The following ZNF626 variants were observed in gnomAD, a reference collection of about 807,000 sequenced individuals.
ZNF626 encodes the protein zinc finger protein 626.
A neutral mutation model predicts 11.7 loss-of-function variants in ZNF626; 4 were observed. That is an observed-to-expected ratio of 0.34 (90% CI 0.17 to 0.78). ZNF626 has a LOEUF of 0.78. Ranked by LOEUF, ZNF626 falls within the 30% of genes least tolerant of loss-of-function variation. The pLI is 0.57. For missense variants in ZNF626, 588 were observed against 587.1 expected (o/e 1.00, Z -0.01); for synonymous variants, 179 against 198.6 (o/e 0.90, Z 0.83).
intron 1 of ZNF626, among the ~76,000 whole-genome samples, chr19:20,648,009 T>C (rs1385388464): frequency 7.9e-5 from 12 of 151,626 alleles, no homozygotes; most frequent in African/African-American, 2.7e-4. Flanking sequence ...TATAACCCCA[T>C]CTCTATTAAA....
intron 3 of ZNF626, among the ~76,000 whole-genome samples, chr19:20,643,010 CAAAA>C (rs11289893): frequency 9.1e-6 from 1 of 109,320 alleles, no homozygotes; most frequent in Non-Finnish European, 2.1e-5. Flanking sequence ...AACTCCTTCT[CAAAA>C]AAAAAAAAAA....
chr19:20,658,353 G>C (rs141552356), intron 1 of ZNF626, among the ~76,000 whole-genome samples: 14 of 152,242 alleles, frequency 9.2e-5, no homozygotes, highest in African/African-American at 3.4e-4. Flanking sequence ...TGGGTTCTTG[G>C]CAAGAAACGC....
intron 3 of ZNF626, among the ~76,000 whole-genome samples, chr19:20,630,726 A>G (rs1264570043): frequency 2.1e-5 from 3 of 144,726 alleles, no homozygotes; most frequent in African/African-American, 8.1e-5. Context: ...TTTTCGAAAA[A>G]CCAGCTTCTG....
At chr19:20,645,181 T>A in intron 3 of ZNF626, 1 of 1,082,424 alleles carries the variant, frequency 9.2e-7, no homozygotes, top group African/African-American at 1.6e-5. Context: ...AAGGATGTCA[T>A]AATTTCAAAC....
chr19:20,659,469 G>C (rs1281995288), intron 1 of ZNF626, among the ~76,000 whole-genome samples: 2 of 152,096 alleles, frequency 1.3e-5, no homozygotes, highest in Non-Finnish European at 2.9e-5. Context: ...TCAAGCTCCT[G>C]ACTTGCGGTG....
Position 20,625,486 on chromosome 19 carries a change from T to C in ZNF626, c.391A>G (p.Asn131Asp), listed in dbSNP as rs549734656. Residue 131 changes from asparagine to aspartate, a missense_variant, in exon 4 of 4, where the codon AAT (asparagine) becomes GAT (aspartate). Physicochemically the swap from Asn to Asp is conservative, Grantham distance 23. Transcript: ENST00000601440. Reference sequence around the variant, plus strand: ...GTTGTCAAACATTGGTTAAGTTCATTATAACCTTCTTTGTGCACCTTACAC... The same window carrying C: ...GTTGTCAAACATTGGTTAAGTTCATCATAACCTTCTTTGTGCACCTTACAC... ...DECKVHKEGY[N>D]ELNQCLTTTP... 1.5e-5 allele frequency: 25 copies of C among 1,614,082 alleles called. No homozygotes were observed. The East Asian group carries it at 3.1e-4, about 20-fold the overall frequency.
chr19:20,620,857 T>TG lies in ZNF626; in HGVS notation c.*3432dup, dbSNP rs1555768617. ...TGGCCGTATTTTTTCTTTTTTTTTT[T>TG]GTGACGGAGTCTTGCTCTGTTGCCC... On this transcript the variant is annotated 3_prime_UTR_variant, in exon 4 of 4. Coordinates refer to ENST00000601440, the MANE Select transcript of ZNF626 (RefSeq NM_001076675.3). 6.6e-6 allele frequency: 1 copy of TG among 150,546 alleles called. No homozygotes were observed. Among genetic ancestry groups the TG allele is most frequent in the Non-Finnish European group, 1.5e-5 (1 of 68,086 alleles). 9.3% of individuals were successfully genotyped at this position (150,546 alleles called of 1,614,324 possible). A position where few individuals can be genotyped will look rare whatever the true frequency, so the allele number is the denominator to read the frequency against.
chr19:20,633,345 A>G (rs1349244690), intron 3 of ZNF626, among the ~76,000 whole-genome samples: 2 of 150,482 alleles, frequency 1.3e-5, no homozygotes, highest in Non-Finnish European at 3.0e-5. Flanking sequence ...TGCAGAGGTT[A>G]CTGCTGTCTT....
intron 1 of ZNF626, among the ~76,000 whole-genome samples, chr19:20,658,315 G>A (rs1414278378): frequency 9.9e-5 from 15 of 152,138 alleles, no homozygotes; most frequent in African/African-American, 3.6e-4. Context: ...TAGGGGTGGG[G>A]ATATGCCAGG....
At chr19:20,633,868 A>G (rs7253963) in intron 3 of ZNF626, among the ~76,000 whole-genome samples, 82,956 of 151,924 alleles carry the variant, frequency 0.55, 25,374 homozygotes, top group African/African-American at 0.83. Context: ...CAAATCACCC[A>G]TCTTCTATAT....
rs553305836 is a variant in ZNF626 at position 20,627,278 on chromosome 19, T to C, written c.227-1628A>G. 3.9e-5 allele frequency among the ~76,000 whole-genome samples: 6 copies of C among 151,966 alleles called. No homozygotes were observed. The East Asian group carries it at 1.2e-3, about 30-fold the overall frequency. ...CATACAAGCAAACCTTCAAAAATCA[T>C]AGATAAGAAGAGAATTTTAGGAGCT... is the stretch of plus-strand genomic sequence containing the variant. On this transcript the variant is annotated intron_variant, in intron 3 of 3. Transcript: ENST00000601440.
intron 3 of ZNF626, among the ~76,000 whole-genome samples, 184 bp from the exon 4 acceptor site, chr19:20,625,834 G>A (rs750241900): frequency 4.5e-5 from 3 of 66,230 alleles, no homozygotes; most frequent in African/African-American, 1.1e-4. Context: ...AAATACATTT[G>A]TAAAAAACTT....
At position 20,622,885 on chromosome 19, in the gene ZNF626, G is replaced by GT. The variant is rs1555768904; in HGVS notation, c.*1404dup. ...AATATATTTTAGTATAAACTCTGCT[G>GT]TTTTCTAAGCTGTAGTTTTTTTTTT... On this transcript the variant is annotated 3_prime_UTR_variant, in exon 4 of 4. Coordinates refer to ENST00000601440, the MANE Select transcript of ZNF626 (RefSeq NM_001076675.3). The GT allele has an allele frequency of 6.7e-6, 1 of 148,488 alleles. No individual in the cohort carries two copies. The highest frequency in any genetic ancestry group is 1.9e-4 in the East Asian group (1 of 5,148). The allele number at this position is 148,488 out of a possible 1,614,324, so 9.2% of individuals were successfully genotyped here. A position where few individuals can be genotyped will look rare whatever the true frequency, so the allele number is the denominator to read the frequency against.
At chr19:20,637,010 C>A in intron 3 of ZNF626, among the ~76,000 whole-genome samples, 1 of 109,678 alleles carries the variant, frequency 9.1e-6, no homozygotes. Flanking sequence ...CAGAGAAAGA[C>A]TCCATCTCAA....
intron 1 of ZNF626, among the ~76,000 whole-genome samples, chr19:20,653,118 C>T (rs1335998911): frequency 6.6e-6 from 1 of 152,186 alleles, no homozygotes; most frequent in Non-Finnish European, 1.5e-5. Context: ...ATGCACTTTT[C>T]TGCACAAGTG....
chr19:20,661,389 C>T, intron 1 of ZNF626, 55 bp downstream of exon 1: 2 of 1,612,910 alleles, frequency 1.2e-6, no homozygotes, highest in Non-Finnish European at 8.5e-7. Flanking sequence ...AGCCACTTTT[C>T]ACCGGTTCCA....
chr19:20,648,720 C>T (rs986946839), intron 1 of ZNF626, among the ~76,000 whole-genome samples: 1 of 152,214 alleles, frequency 6.6e-6, no homozygotes, highest in Non-Finnish European at 1.5e-5. Context: ...ATGGAACACA[C>T]AGCTGGAGCC....
rs368614889 is a variant in ZNF626, at chr19:20,640,902, T to C, written c.226+4782A>G. ...TGGCTCAAGCCCGTAATCCTAGCAA[T>C]TTGGGAGGCCAAGGTAGGGGCAGAT... On this transcript the variant is annotated intron_variant, in intron 3 of 3. Transcript: ENST00000601440. Among the ~76,000 whole-genome samples the C allele has an allele frequency of 3.9e-3, 596 of 152,112 alleles. 3 individuals carry two copies. The highest frequency in any genetic ancestry group is 0.013 in the African/African-American group (526 of 41,512).
chr19:20,631,079 T>C (rs1969899299), intron 3 of ZNF626, among the ~76,000 whole-genome samples: 1 of 151,910 alleles, frequency 6.6e-6, no homozygotes, highest in Non-Finnish European at 1.5e-5. Flanking sequence ...TGTAGTTGAG[T>C]GGTTTTGAGT....
Sources: gnomAD v4.1 joint callset for allele counts (sites outside exome capture counted in the v4.1 genomes callset) on GRCh38, gnomAD v4.1.1 for gene constraint, MANE v1.5 for transcripts, NCBI Gene and HGNC (gene_info 2026-07-23, HGNC 2026-07-21) for gene names.